The following PLCB1 variants were observed in gnomAD, a reference collection of about 807,000 sequenced individuals.
PLCB1 encodes the protein phospholipase C beta 1.
A neutral mutation model predicts 161.8 loss-of-function variants in PLCB1; 46 were observed. The observed-to-expected ratio is 0.28, with a 90% confidence interval of 0.22 to 0.36. PLCB1 has a LOEUF of 0.36. Ranked by LOEUF, PLCB1 falls within the 10% of genes least tolerant of loss-of-function variation. The probability of loss-of-function intolerance (pLI) is 1.00; values close to 1 mark genes in which losing one functional copy is unlikely to be tolerated. For missense variants in PLCB1, 1,016 were observed against 1,472.5 expected, an observed-to-expected ratio of 0.69 and a Z score of 5.07; for synonymous variants, 517 against 503.7, an observed-to-expected ratio of 1.03 and a Z score of -0.35.
At chr20:8,692,728 T>C (rs1208757137) in intron 10 of PLCB1, among the ~76,000 whole-genome samples, 2 of 152,150 alleles carry the variant, frequency 1.3e-5, no homozygotes, top group Non-Finnish European at 2.9e-5. Context: ...AAGATGACTG[T>C]GTACCCTAAG....
At chr20:8,777,507 T>A (rs12329583) in intron 27 of PLCB1, among the ~76,000 whole-genome samples, 37,963 of 151,850 alleles carry the variant, frequency 0.25, 5,261 homozygotes, top group Non-Finnish European at 0.32. Context: ...TCACCTGAGT[T>A]CAGGAGTTCA....
At chr20:8,749,902 C>T (rs920865752) in intron 23 of PLCB1, among the ~76,000 whole-genome samples, 1 of 151,940 alleles carries the variant, frequency 6.6e-6, no homozygotes, top group Non-Finnish European at 1.5e-5. Flanking sequence ...AATAATAGAG[C>T]TATTTATTAT....
chr20:8,134,753 A>G (rs2051328406), intron 1 of PLCB1, among the ~76,000 whole-genome samples: 1 of 152,074 alleles, frequency 6.6e-6, no homozygotes, highest in African/African-American at 2.4e-5. Context: ...CCAACCAAAG[A>G]AGAAGTTGAA....
chr20:8,681,119 T>TATATATATAA (rs1485697576), intron 9 of PLCB1, among the ~76,000 whole-genome samples: 3,328 of 81,222 alleles, frequency 0.041, 116 homozygotes, highest in African/African-American at 0.074. Flanking sequence ...TATATATATA[T>TATATATATAA]AATATATATA....
At chr20:8,792,014 G>A (rs1983781990) in intron 31 of PLCB1, 1 of 152,500 alleles carries the variant, frequency 6.6e-6, no homozygotes, top group Non-Finnish European at 1.5e-5. Context: ...AGTTGTAACA[G>A]TGATTAATTT....
At chr20:8,601,431 TTCTCA>T (rs2123142903) in intron 3 of PLCB1, among the ~76,000 whole-genome samples, 1 of 152,336 alleles carries the variant, frequency 6.6e-6, no homozygotes, top group East Asian at 1.9e-4. Flanking sequence ...TGTCTATGTG[TTCTCA>T]TTATTTAGCT....
At chr20:8,479,349 G>A (rs1423083769) in intron 3 of PLCB1, among the ~76,000 whole-genome samples, 1 of 152,126 alleles carries the variant, frequency 6.6e-6, no homozygotes, top group Non-Finnish European at 1.5e-5. Context: ...ATACATTTCA[G>A]AAGATACAAT....
Position 8,881,822 on chromosome 20 carries a change from A to G in PLCB1, c.3624A>G (p.Pro1208=), listed in dbSNP as rs1205433054. The G allele has an allele frequency of 2.5e-6, 4 of 1,613,852 alleles. No individual in the cohort carries two copies. In the South Asian group the frequency reaches 4.4e-5, roughly 18 times the overall value. The change falls in exon 32 of 32, where the codon CCA becomes CCG. Residue 1208 remains proline (P), a synonymous_variant. Coordinates refer to ENST00000338037, the MANE Select transcript of PLCB1 (RefSeq NM_015192.4). ...PSSEELGGDI[P]GKEFDTPL ...GTGAGGAGCTGGGAGGAGACATCCCAGGAAAAGAATTTGATACTCCTCTGT... is the reference window on the plus strand; with the variant it reads ...GTGAGGAGCTGGGAGGAGACATCCCGGGAAAAGAATTTGATACTCCTCTGT...
intron 2 of PLCB1, among the ~76,000 whole-genome samples, chr20:8,255,108 A>G (rs973776521): frequency 1.3e-5 from 2 of 152,118 alleles, no homozygotes; most frequent in East Asian, 1.9e-4. Context: ...TCCGATGACC[A>G]TGATTCACAG....
intron 2 of PLCB1, among the ~76,000 whole-genome samples, chr20:8,314,118 C>T (rs1445231210): frequency 2.0e-5 from 3 of 152,154 alleles, no homozygotes; most frequent in Non-Finnish European, 1.5e-5. Context: ...TCTTCCTCTA[C>T]ATCTGAGATG....
At chr20:8,868,394 T>C (rs934546532) in intron 31 of PLCB1, among the ~76,000 whole-genome samples, 2 of 152,188 alleles carry the variant, frequency 1.3e-5, no homozygotes, top group African/African-American at 4.8e-5. Context: ...CCCTGGGCCA[T>C]GGGACCCCTC....
At chr20:8,371,340 G>T in intron 2 of PLCB1, 42 bp from the exon 3 acceptor site, 1 of 1,371,552 alleles carries the variant, frequency 7.3e-7, no homozygotes, top group South Asian at 1.2e-5. Flanking sequence ...AAGAGGAAAG[G>T]TCTGTGTCGT....
At chr20:8,332,159 G>A (rs1235548135) in intron 2 of PLCB1, among the ~76,000 whole-genome samples, 3 of 152,156 alleles carry the variant, frequency 2.0e-5, no homozygotes, top group Non-Finnish European at 2.9e-5. Context: ...GCTGCCCTTG[G>A]TATTTAAATG....
At chr20:8,336,272 A>G (rs191015645) in intron 2 of PLCB1, among the ~76,000 whole-genome samples, 1 of 152,348 alleles carries the variant, frequency 6.6e-6, no homozygotes. Context: ...CGAAACCTAC[A>G]CCTATATACG....
In PLCB1 at chr20:8,444,068, C is replaced by G. The variant is rs543972907; in HGVS notation, c.246+72618C>G. On this transcript the variant is annotated intron_variant, in intron 3 of 31. Transcript: ENST00000338037. ...TGATTTTTTTTTTGTACTTTAAGTT[C>G]TAGGGTACATGTGCACAATGTGCAG... Among the ~76,000 whole-genome samples the G allele has an allele frequency of 2.6e-5, 4 of 151,704 alleles. No homozygotes were observed. The East Asian group carries it at 7.8e-4, about 30-fold the overall frequency.
chr20:8,525,289 A>G (rs1260926193), intron 3 of PLCB1, among the ~76,000 whole-genome samples: 1 of 151,912 alleles, frequency 6.6e-6, no homozygotes, highest in Non-Finnish European at 1.5e-5. Flanking sequence ...CAGACCAATT[A>G]TGGAAAAAAC....
chr20:8,687,097 CT>C (rs1282396758), intron 10 of PLCB1, among the ~76,000 whole-genome samples: 2 of 151,970 alleles, frequency 1.3e-5, no homozygotes, highest in Non-Finnish European at 2.9e-5. Flanking sequence ...ATGATGATAG[CT>C]CACTGTAGTC....
chr20:8,750,676 C>A, intron 23 of PLCB1: 1 of 380,140 alleles, frequency 2.6e-6, no homozygotes, highest in Non-Finnish European at 5.1e-6. Flanking sequence ...GAGGCAGATA[C>A]ATTATCTAAT....
At chr20:8,349,824 G>A (rs1362448487) in intron 2 of PLCB1, among the ~76,000 whole-genome samples, 1 of 151,968 alleles carries the variant, frequency 6.6e-6, no homozygotes, top group Non-Finnish European at 1.5e-5. Context: ...GGGTCAGAAT[G>A]GTCTGTGGAA....
Sources: allele counts gnomAD v4.1 joint callset (sites outside exome capture counted in the v4.1 genomes callset), GRCh38; gene constraint gnomAD v4.1.1; transcripts MANE v1.5; gene names NCBI Gene and HGNC (gene_info 2026-07-23, HGNC 2026-07-21).